Variants in TJP1 observed in about 807,000 individuals in gnomAD.
TJP1 encodes tight junction protein ZO-1.
In TJP1, 43 loss-of-function variants were observed where a neutral mutation model predicts 194.2. The ratio of observed to expected loss-of-function variants is 0.22; its 90% CI spans 0.17 to 0.29. The LOEUF (loss-of-function observed/expected upper bound fraction) is 0.29, where lower values mean the gene tolerates loss of function less well. Among genes scored for constraint, TJP1 ranks in the 10% least tolerant of loss-of-function variants. The probability of loss-of-function intolerance (pLI) is 1.00; values close to 1 mark genes in which losing one functional copy is unlikely to be tolerated. For synonymous variants in TJP1, 801 were observed against 779.0 expected, an observed-to-expected ratio of 1.03 and a Z score of -0.47; for missense variants, 1,971 against 2,185.7, an observed-to-expected ratio of 0.90 and a Z score of 1.96.
intron 2 of TJP1, among the ~76,000 whole-genome samples, chr15:29,868,028 A>T (rs1265656406): frequency 7.0e-6 from 1 of 143,308 alleles, no homozygotes; most frequent in African/African-American, 2.6e-5. Context: ...ACTGCACTCC[A>T]GCTTGGGTGA....
chr15:29,705,556 G>GGGC lies in TJP1; in HGVS notation c.5039_5040insGCC (p.Ser1680delinsArgPro), dbSNP rs763740578. The GGGC allele has an allele frequency of 6.8e-6, 11 of 1,614,132 alleles. No homozygotes were observed. The highest frequency in any genetic ancestry group is 1.3e-5 in the African/African-American group (1 of 74,944). ...TCTCTTTATCTAAAGGTGGAAGGATGCTGTTGTCCCGGCAGACCTTGAAAT... is the reference window on the plus strand; with the variant it reads ...TCTCTTTATCTAAAGGTGGAAGGATGGGCCTGTTGTCCCGGCAGACCTTGAAAT... On this transcript the variant is annotated protein_altering_variant, in exon 26 of 28. Coordinates refer to ENST00000614355, the MANE Select transcript of TJP1 (RefSeq NM_001330239.4).
chr15:29,895,480 T>C (rs534577709), intron 2 of TJP1, among the ~76,000 whole-genome samples: 45 of 152,228 alleles, frequency 3.0e-4, no homozygotes, highest in African/African-American at 1.0e-3. Context: ...ATGTTTCCTA[T>C]GGTTTCTAAT....
Position 29,912,640 on chromosome 15 carries a change from G to T in TJP1, c.306+43592C>A, listed in dbSNP as rs138248588. On this transcript the variant is annotated intron_variant, in intron 2 of 28. Coordinates refer to the TJP1 transcript ENST00000356107. Reference sequence around the variant, plus strand: ...AGTTACGGGAGGAAGAGGTTACAGTGAGCTGAGATCATGCCACTGCACTCC... The same window carrying T: ...AGTTACGGGAGGAAGAGGTTACAGTTAGCTGAGATCATGCCACTGCACTCC... Among the ~76,000 whole-genome samples, 1,189 of 131,564 alleles carry T rather than the reference G, an allele frequency of 9.0e-3. 14 individuals are homozygous for T. The highest frequency in any genetic ancestry group is 0.031 in the African/African-American group (1,092 of 35,024). The allele number at this position is 131,564 out of a possible 152,430, so 86.3% of individuals were successfully genotyped here. A position where few individuals can be genotyped will look rare whatever the true frequency, so the allele number is the denominator to read the frequency against.
exon 1 of TJP1, chr15:29,968,724 G>A: frequency 1.6e-6 from 2 of 1,217,012 alleles, no homozygotes; most frequent in Non-Finnish European, 1.1e-6. Flanking sequence ...GACGCCGATG[G>A]CCATCTGCAG....
intron 2 of TJP1, among the ~76,000 whole-genome samples, chr15:29,949,765 T>C (rs1231591511): frequency 0.07 from 803 of 11,432 alleles, 2 homozygotes; most frequent in Middle Eastern, 0.17. Flanking sequence ...TCACCACCAC[T>C]ACCTCCACCA....
upstream of TJP1, among the ~76,000 whole-genome samples, chr15:29,826,832 G>T (rs2050692430): frequency 6.6e-6 from 1 of 152,174 alleles, no homozygotes; most frequent in Non-Finnish European, 1.5e-5. Context: ...TAATGTGGTT[G>T]CTGTCTTGAA....
intron 2 of TJP1, among the ~76,000 whole-genome samples, chr15:29,851,947 G>C (rs548225664): frequency 1.4e-4 from 21 of 152,128 alleles, no homozygotes; most frequent in Non-Finnish European, 2.8e-4. Flanking sequence ...AAATGACCCT[G>C]GATCTAAACC....
intron 2 of TJP1, among the ~76,000 whole-genome samples, chr15:29,926,267 AGCAGTCAAAAATCCCACAACC>A (rs1268881453): frequency 6.6e-6 from 1 of 152,214 alleles, no homozygotes; most frequent in Non-Finnish European, 1.5e-5. Context: ...TATTCCCACA[AGCAGTCAAAAATCCCACAACC>A]ACATGAACCT....
rs559356707 is a variant in TJP1 at position 29,881,129 on chromosome 15, A to G, written c.306+75103T>C. Among the ~76,000 whole-genome samples the G allele has an allele frequency of 1.8e-4, 27 of 152,202 alleles. No individual in the cohort carries two copies. The South Asian group carries it at 5.4e-3, about 30-fold the overall frequency. ...TGTCTTTTGTGGTTTTTTTCATAAC[A>G]GCTATCCTAACAGATGTGAGCTGAT... On this transcript the variant is annotated intron_variant, in intron 2 of 28. Coordinates refer to the TJP1 transcript ENST00000356107.
intron 2 of TJP1, among the ~76,000 whole-genome samples, chr15:29,921,810 T>C (rs2054368877): frequency 6.6e-6 from 1 of 152,088 alleles, no homozygotes. Flanking sequence ...CTGGCATATT[T>C]GCTTCATTAT....
Position 29,891,199 on chromosome 15 carries a change from G to A in TJP1, c.306+65033C>T, listed in dbSNP as rs139160118. Reference sequence around the variant, plus strand: ...AGGTGGCCTTCCAGATTGACGGTGAGGACTAAATGTCAACAGGTAGTAGGA... The same window carrying A: ...AGGTGGCCTTCCAGATTGACGGTGAAGACTAAATGTCAACAGGTAGTAGGA... On this transcript the variant is annotated intron_variant, in intron 2 of 28. Coordinates refer to the TJP1 transcript ENST00000356107. Among the ~76,000 whole-genome samples the A allele has an allele frequency of 4.2e-3, 647 of 152,316 alleles. 4 individuals are homozygous for A. The highest frequency in any genetic ancestry group is 7.2e-3 in the Non-Finnish European group (493 of 68,030).
chr15:29,720,134 C>T, intron 19 of TJP1, 118 bp from the exon 20 acceptor site: 1 of 1,365,234 alleles, frequency 7.3e-7, no homozygotes, highest in Non-Finnish European at 9.8e-7. Context: ...AAAATTATGA[C>T]CTCATGTCCT....
chr15:29,859,487 A>G (rs2051990544), intron 2 of TJP1, among the ~76,000 whole-genome samples: 1 of 152,178 alleles, frequency 6.6e-6, no homozygotes, highest in African/African-American at 2.4e-5. Flanking sequence ...GGCAACAAGG[A>G]TGGGACTTCC....
At chr15:29,953,312 T>A (rs1303093647) in intron 2 of TJP1, among the ~76,000 whole-genome samples, 1 of 152,020 alleles carries the variant, frequency 6.6e-6, no homozygotes, top group Admixed American at 6.6e-5. Flanking sequence ...CAGCTAATTT[T>A]TGTCTTTTTA....
chr15:29,800,004 C>T (rs546590311), intron 2 of TJP1, among the ~76,000 whole-genome samples: 8 of 152,298 alleles, frequency 5.3e-5, no homozygotes, highest in African/African-American at 1.9e-4. Context: ...ATTGGTAAAG[C>T]ATGAACTGGT....
chr15:29,781,819 C>T (rs181810332), intron 2 of TJP1, among the ~76,000 whole-genome samples: 1 of 152,188 alleles, frequency 6.6e-6, no homozygotes, highest in Admixed American at 6.5e-5. Context: ...AGGAACACAC[C>T]TCAAAATAGT....
Position 29,822,251 on chromosome 15 carries a change from C to A in TJP1, c.-223G>T. On this transcript the variant is annotated 5_prime_UTR_variant, in exon 1 of 28. Coordinates refer to ENST00000614355, the MANE Select transcript of TJP1 (RefSeq NM_001330239.4). The stretch of plus-strand genomic sequence containing the variant: ...GGTCTTCTCCACGGGGCGCGCCCGA[C>A]CGGCACCTCCCTCCGAGCGCGGCCA... 8.6e-7 allele frequency: 1 copy of A among 1,168,814 alleles called. No homozygotes were observed. Among genetic ancestry groups the A allele is most frequent in the Non-Finnish European group, 1.1e-6 (1 of 947,294 alleles). The allele number at this position is 1,168,814 out of a possible 1,614,324, so 72.4% of individuals were successfully genotyped here. A position where few individuals can be genotyped will look rare whatever the true frequency, so the allele number is the denominator to read the frequency against.
At chr15:29,812,532 C>T (rs1162181436) in intron 1 of TJP1, among the ~76,000 whole-genome samples, 1 of 152,122 alleles carries the variant, frequency 6.6e-6, no homozygotes, top group Non-Finnish European at 1.5e-5. Flanking sequence ...GAGCAGTGCC[C>T]TCTCTTCTGG....
At chr15:29,748,961 TGTGC>T (rs1566949762) in intron 8 of TJP1, among the ~76,000 whole-genome samples, 1 of 149,814 alleles carries the variant, frequency 6.7e-6, no homozygotes, top group African/African-American at 2.5e-5. Flanking sequence ...TGTGCGCGTG[TGTGC>T]GCGCGCGCGT....
Sources: gnomAD v4.1 joint callset for allele counts (sites outside exome capture counted in the v4.1 genomes callset) on GRCh38, gnomAD v4.1.1 for gene constraint, MANE v1.5 for transcripts, NCBI Gene and HGNC (gene_info 2026-07-23, HGNC 2026-07-21) for gene names.